The following CLMP variants were observed in gnomAD, a reference collection of about 807,000 sequenced individuals.
CLMP encodes the protein CXADR like cell adhesion molecule.
CLMP carries 27 observed loss-of-function variants against 45.2 expected under a neutral mutation model. That is an observed-to-expected ratio of 0.60 (90% CI 0.44 to 0.82). The LOEUF (loss-of-function observed/expected upper bound fraction) is 0.82. Ranked by LOEUF, CLMP falls within the 40% of genes least tolerant of loss-of-function variation. The pLI, the probability that CLMP is intolerant of heterozygous loss-of-function variation, is 0.00. For missense variants in CLMP, 403 were observed against 448.4 expected (o/e 0.90, Z 0.91); for synonymous variants, 167 against 171.4 (o/e 0.97, Z 0.20).
At chr11:123,102,358 G>A (rs567582980) in intron 1 of CLMP, among the ~76,000 whole-genome samples, 12 of 145,358 alleles carry the variant, frequency 8.3e-5, no homozygotes, top group Admixed American at 1.4e-4. Context: ...TTGGCTCAGT[G>A]CAACCTCCGA....
At chr11:123,189,437 A>C (rs953783945) in intron 1 of CLMP, among the ~76,000 whole-genome samples, 5 of 152,236 alleles carry the variant, frequency 3.3e-5, no homozygotes, top group African/African-American at 9.6e-5. Context: ...GAAATGGAGT[A>C]ATAATAATAC....
At chr11:123,092,929 A>C (rs1591454456) in intron 2 of CLMP, among the ~76,000 whole-genome samples, 1 of 126,866 alleles carries the variant, frequency 7.9e-6, no homozygotes, top group South Asian at 2.4e-4. Flanking sequence ...TTTTTTTGAG[A>C]TGTTGTCTCA....
intron 1 of CLMP, among the ~76,000 whole-genome samples, chr11:123,100,967 T>C (rs539114196): frequency 3.9e-5 from 6 of 152,184 alleles, no homozygotes; most frequent in African/African-American, 7.2e-5. Flanking sequence ...GACCTCTCTG[T>C]GAGTGCAGAA....
intron 1 of CLMP, among the ~76,000 whole-genome samples, chr11:123,154,037 T>C (rs777368360): frequency 7.9e-5 from 12 of 152,082 alleles, no homozygotes; most frequent in South Asian, 2.1e-4. Flanking sequence ...TGTTCCCTTT[T>C]ATAGAAGGTG....
At chr11:123,186,939 C>T (rs1163937595) in intron 1 of CLMP, among the ~76,000 whole-genome samples, 1 of 152,106 alleles carries the variant, frequency 6.6e-6, no homozygotes, top group Non-Finnish European at 1.5e-5. Flanking sequence ...GTGCTGATGG[C>T]CTGGTGGTCG....
intron 1 of CLMP, among the ~76,000 whole-genome samples, chr11:123,132,451 A>G (rs1441828424): frequency 6.6e-6 from 1 of 150,888 alleles, no homozygotes; most frequent in Non-Finnish European, 1.5e-5. Context: ...TGTCTCTCTC[A>G]TTTTATTTTA....
intron 2 of CLMP, among the ~76,000 whole-genome samples, chr11:123,088,036 G>A (rs1434921335): frequency 2.0e-5 from 3 of 151,520 alleles, no homozygotes; most frequent in East Asian, 2.0e-4. Flanking sequence ...TCAGCCTCCT[G>A]AGTAGCTGGG....
chr11:123,162,958 T>C (rs1022890573), intron 1 of CLMP, among the ~76,000 whole-genome samples: 15 of 151,412 alleles, frequency 9.9e-5, no homozygotes, highest in African/African-American at 3.4e-4. Flanking sequence ...TAAATAACCA[T>C]ATTTAGGCAA....
At position 123,097,261 on chromosome 11, in the gene CLMP, G is replaced by A. The variant is rs145240358; in HGVS notation, c.186+534C>T. On this transcript the variant is annotated intron_variant, in intron 2 of 6. Coordinates refer to ENST00000448775, the MANE Select transcript of CLMP (RefSeq NM_024769.5). ...GCTCACTGCAGCCTGGCACTCCTGG[G>A]CTCAAGTGATCCTCCCACCTCAGCC... Among the ~76,000 whole-genome samples the A allele has an allele frequency of 4.3e-4, 66 of 152,160 alleles. 1 individual carries two copies. In the East Asian group the frequency reaches 0.01, roughly 24 times the overall value.
At chr11:123,120,945 T>C (rs149743673) in intron 1 of CLMP, among the ~76,000 whole-genome samples, 3,375 of 151,864 alleles carry the variant, frequency 0.022, 128 homozygotes, top group African/African-American at 0.076. Flanking sequence ...GGTAACATGG[T>C]GAAACCCCCT....
At chr11:123,156,115 C>G (rs4935829) in intron 1 of CLMP, among the ~76,000 whole-genome samples, 91,390 of 151,954 alleles carry the variant, frequency 0.6, 28,789 homozygotes, top group African/African-American at 0.79. Flanking sequence ...AATAAGATTA[C>G]TGTCCTTATG....
chr11:123,141,392 C>G (rs1198086491), intron 1 of CLMP, among the ~76,000 whole-genome samples: 1 of 151,786 alleles, frequency 6.6e-6, no homozygotes, highest in Non-Finnish European at 1.5e-5. Flanking sequence ...CACCGTGTTA[C>G]CAAGGATGGT....
intron 2 of CLMP, among the ~76,000 whole-genome samples, chr11:123,088,162 G>A (rs188382373): frequency 4.6e-5 from 7 of 152,094 alleles, no homozygotes; most frequent in Non-Finnish European, 7.4e-5. Flanking sequence ...TGCCCGCCTC[G>A]GCCTCCCAAA....
At chr11:123,123,041 C>T (rs893951172) in intron 1 of CLMP, among the ~76,000 whole-genome samples, 4 of 151,984 alleles carry the variant, frequency 2.6e-5, no homozygotes, top group African/African-American at 9.7e-5. Flanking sequence ...CTTGGAAACC[C>T]TACCAGACAC....
chr11:123,141,865 G>C (rs7106843), intron 1 of CLMP, among the ~76,000 whole-genome samples: 6 of 151,768 alleles, frequency 4.0e-5, no homozygotes, highest in African/African-American at 1.2e-4. Flanking sequence ...TAACTCCTTC[G>C]CTTTTGTATG....
intron 1 of CLMP, among the ~76,000 whole-genome samples, chr11:123,170,235 G>A (rs562695154): frequency 1.1e-4 from 17 of 152,230 alleles, no homozygotes; most frequent in Admixed American, 6.5e-4. Flanking sequence ...TGATGTGCCC[G>A]AGTCAGGTTG....
At chr11:123,192,529 TC>T (rs1447825426) in intron 1 of CLMP, among the ~76,000 whole-genome samples, 1 of 152,054 alleles carries the variant, frequency 6.6e-6, no homozygotes, top group Non-Finnish European at 1.5e-5. Context: ...ACTATAGTCA[TC>T]CAGGAGAGAA....
At chr11:123,192,500 G>A (rs781058573) in intron 1 of CLMP, among the ~76,000 whole-genome samples, 1 of 152,156 alleles carries the variant, frequency 6.6e-6, no homozygotes, top group Admixed American at 6.5e-5. Flanking sequence ...AGGACAGGCA[G>A]GACAGGAACG....
At chr11:123,100,118 C>A (rs755337509) in intron 1 of CLMP, among the ~76,000 whole-genome samples, 2 of 152,102 alleles carry the variant, frequency 1.3e-5, no homozygotes, top group Non-Finnish European at 2.9e-5. Context: ...CGCCTGTAAT[C>A]CCAGCACTTT....
Sources: allele counts gnomAD v4.1 joint callset (sites outside exome capture counted in the v4.1 genomes callset), GRCh38; gene constraint gnomAD v4.1.1; transcripts MANE v1.5; gene names NCBI Gene and HGNC (gene_info 2026-07-23, HGNC 2026-07-21).